The following SHISA9 variants were observed in gnomAD, a reference collection of about 807,000 sequenced individuals.
SHISA9 encodes the protein protein shisa-9.
Under a neutral mutation model 38.0 loss-of-function variants are expected in SHISA9, and 13 were observed. The ratio of observed to expected loss-of-function variants is 0.34; its 90% CI spans 0.22 to 0.54. SHISA9 has a LOEUF of 0.54. SHISA9 is among the 20% of genes least tolerant of loss of function. SHISA9 has a pLI of 0.91. For missense variants in SHISA9, 538 were observed against 575.8 expected, an observed-to-expected ratio of 0.93 and a Z score of 0.67; for synonymous variants, 275 against 242.0, an observed-to-expected ratio of 1.14 and a Z score of -1.27.
At chr16:12,928,758 C>T (rs2071425624) in intron 2 of SHISA9, among the ~76,000 whole-genome samples, 1 of 152,174 alleles carries the variant, frequency 6.6e-6, no homozygotes, top group South Asian at 2.1e-4. Context: ...TATTGAATAG[C>T]AACAAGGAAT....
Position 12,966,007 on chromosome 16 carries a change from C to G in SHISA9, c.691+49192C>G, listed in dbSNP as rs374109935. 2.6e-5 allele frequency among the ~76,000 whole-genome samples: 4 copies of G among 152,204 alleles called. No homozygotes were observed. The East Asian group carries it at 7.7e-4, about 29-fold the overall frequency. ...ACCTTGGCTGTAGCATCATCTTGGA[C>G]TGGATAATTCTCTGTTGTAGAAGGC... On this transcript the variant is annotated intron_variant, in intron 2 of 4. Transcript: ENST00000558583.
chr16:13,283,339 C>T, the SHISA9 span, among the ~76,000 whole-genome samples: 8 of 152,210 alleles, frequency 5.3e-5, no homozygotes, highest in African/African-American at 1.4e-4. Flanking sequence ...TAGGCCAAAG[C>T]GGTAGGTCTT....
intron 2 of SHISA9, among the ~76,000 whole-genome samples, chr16:13,075,836 C>T (rs887603772): frequency 2.0e-5 from 3 of 152,068 alleles, no homozygotes; most frequent in Non-Finnish European, 4.4e-5. Flanking sequence ...TATCTAGATA[C>T]TGTTGGCATT....
chr16:13,417,235 A>G, the SHISA9 span, among the ~76,000 whole-genome samples: 1 of 152,196 alleles, frequency 6.6e-6, no homozygotes, highest in Non-Finnish European at 1.5e-5. Flanking sequence ...GGTGGTTGGC[A>G]CCCGCAAAAG....
intron 2 of SHISA9, among the ~76,000 whole-genome samples, chr16:13,035,190 A>T (rs183335741): frequency 2.1e-4 from 32 of 152,338 alleles, no homozygotes; most frequent in African/African-American, 7.7e-4. Context: ...CTATATTTTG[A>T]GTATTCACTA....
intron 2 of SHISA9, among the ~76,000 whole-genome samples, chr16:12,928,391 C>G (rs1404609160): frequency 1.3e-5 from 2 of 151,886 alleles, no homozygotes; most frequent in Non-Finnish European, 2.9e-5. Flanking sequence ...CTGCATTTTA[C>G]AAATAATGAC....
At chr16:13,074,915 C>T (rs1323680350) in intron 2 of SHISA9, among the ~76,000 whole-genome samples, 1 of 152,102 alleles carries the variant, frequency 6.6e-6, no homozygotes, top group Admixed American at 6.6e-5. Context: ...CCACCTGTCT[C>T]GGCCTCCCAA....
chr16:13,321,877 T>C, the SHISA9 span, among the ~76,000 whole-genome samples: 1 of 151,980 alleles, frequency 6.6e-6, no homozygotes, highest in Admixed American at 6.5e-5. Context: ...ATTCACTAAC[T>C]GTGAAATGGG....
chr16:13,304,855 C>T, the SHISA9 span, among the ~76,000 whole-genome samples: 7,518 of 152,252 alleles, frequency 0.049, 609 homozygotes, highest in African/African-American at 0.17. Context: ...GCAGAAGTGT[C>T]AGCTCCTATT....
the SHISA9 span, among the ~76,000 whole-genome samples, chr16:13,305,035 T>C: frequency 2.9e-4 from 44 of 152,314 alleles, no homozygotes; most frequent in African/African-American, 1.0e-3. Context: ...GGACCAGAGG[T>C]GTTTTCAATT....
the SHISA9 span, among the ~76,000 whole-genome samples, chr16:13,340,858 A>C: frequency 6.6e-6 from 1 of 152,024 alleles, no homozygotes; most frequent in Non-Finnish European, 1.5e-5. Flanking sequence ...CAGGGAACAC[A>C]AGCCCACTCT....
chr16:13,371,357 G>C, the SHISA9 span, among the ~76,000 whole-genome samples: 4 of 152,218 alleles, frequency 2.6e-5, no homozygotes, highest in Middle Eastern at 6.8e-3. Context: ...TGGATCCTTG[G>C]TATCCACTGA....
At chr16:13,159,980 A>G (rs1196425435) in intron 2 of SHISA9, among the ~76,000 whole-genome samples, 2 of 152,250 alleles carry the variant, frequency 1.3e-5, no homozygotes, top group African/African-American at 4.8e-5. Flanking sequence ...ATAATTTTCC[A>G]TTCTGGTAGA....
intron 2 of SHISA9, among the ~76,000 whole-genome samples, chr16:13,177,980 T>C (rs1454086627): frequency 6.6e-6 from 1 of 152,216 alleles, no homozygotes; most frequent in African/African-American, 2.4e-5. Context: ...GTTCATGTTT[T>C]GTAACTGAGG....
chr16:13,337,760 C>T, the SHISA9 span, among the ~76,000 whole-genome samples: 2 of 152,106 alleles, frequency 1.3e-5, no homozygotes, highest in Admixed American at 6.5e-5. Context: ...TGGGGGCAGA[C>T]TTCCCCCTGC....
chr16:13,355,438 C>A, the SHISA9 span, among the ~76,000 whole-genome samples: 1 of 151,070 alleles, frequency 6.6e-6, no homozygotes, highest in African/African-American at 2.4e-5. Flanking sequence ...AAGAGGAGGA[C>A]GCAAAGGAGG....
intron 2 of SHISA9, among the ~76,000 whole-genome samples, chr16:13,181,903 C>G (rs2050782479): frequency 6.6e-6 from 1 of 152,062 alleles, no homozygotes; most frequent in African/African-American, 2.4e-5. Flanking sequence ...AGGGAACCAG[C>G]AAAGAATGAA....
intron 2 of SHISA9, among the ~76,000 whole-genome samples, chr16:13,114,192 C>T (rs187040666): frequency 1.2e-4 from 18 of 152,030 alleles, no homozygotes; most frequent in Middle Eastern, 3.4e-3. Context: ...AAAGGCTGGG[C>T]GTGGTGGCTC....
the SHISA9 span, among the ~76,000 whole-genome samples, chr16:13,370,069 A>C: frequency 6.6e-6 from 1 of 152,302 alleles, no homozygotes; most frequent in African/African-American, 2.4e-5. Flanking sequence ...AATTGAAATA[A>C]AAATAAAAAT....
Sources: allele counts gnomAD v4.1 joint callset (sites outside exome capture counted in the v4.1 genomes callset), GRCh38; gene constraint gnomAD v4.1.1; transcripts MANE v1.5; gene names NCBI Gene and HGNC (gene_info 2026-07-23, HGNC 2026-07-21).